The following TEX11 variants were observed in gnomAD, a reference collection of about 807,000 sequenced individuals.
TEX11 encodes the protein testis expressed 11.
A neutral mutation model predicts 84.4 loss-of-function variants in TEX11; 7 were observed. The observed-to-expected ratio is 0.08, with a 90% CI of 0.05 to 0.16. The LOEUF (loss-of-function observed/expected upper bound fraction) is 0.16. Among genes scored for constraint, TEX11 ranks in the 10% least tolerant of loss-of-function variants. The pLI is 1.00. For synonymous variants in TEX11, 264 were observed against 222.8 expected (o/e 1.18, Z -1.64); for missense variants, 551 against 660.5 (o/e 0.83, Z 1.82).
chrX:70,816,995 T>G lies in TEX11; in HGVS notation c.607-10205A>C, dbSNP rs780309599. 6.3e-5 allele frequency among the ~76,000 whole-genome samples: 7 copies of G among 110,473 alleles called. No homozygotes were observed. In the East Asian group the frequency reaches 1.4e-3, roughly 22 times the overall value. On this transcript the variant is annotated intron_variant, in intron 8 of 29. Transcript: ENST00000374333. ...AATACATAAATACATTAAGGATAAT[T>G]GAAGCCAAGTTTTTTGTTGTTGGAG...
intron 11 of TEX11, among the ~76,000 whole-genome samples, chrX:70,734,445 A>G (rs1161694235): frequency 1.8e-5 from 2 of 111,715 alleles, no homozygotes; most frequent in Non-Finnish European, 3.8e-5. Context: ...TGCATTATGG[A>G]AAGTTTCCAA....
intron 9 of TEX11, among the ~76,000 whole-genome samples, chrX:70,763,087 C>T (rs2090919382): frequency 8.9e-6 from 1 of 111,892 alleles, no homozygotes; most frequent in Non-Finnish European, 1.9e-5. Context: ...CCATTCGATC[C>T]AGCAATCCCA....
At chrX:70,749,215 C>T (rs2090792972) in intron 9 of TEX11, among the ~76,000 whole-genome samples, 1 of 107,818 alleles carries the variant, frequency 9.3e-6, no homozygotes, top group Non-Finnish European at 1.9e-5. Flanking sequence ...TGATTTGGCT[C>T]TCTGTTTGTC....
intron 13 of TEX11, among the ~76,000 whole-genome samples, chrX:70,720,991 T>G (rs1037730640): frequency 1.8e-5 from 2 of 110,541 alleles, no homozygotes; most frequent in African/African-American, 6.6e-5. Flanking sequence ...CAAACATATT[T>G]AAATTCCAGC....
chrX:70,724,648 GTAA>G (rs1038741836), intron 12 of TEX11, among the ~76,000 whole-genome samples: 5 of 111,174 alleles, frequency 4.5e-5, no homozygotes, highest in Admixed American at 1.9e-4. Context: ...AGTAATAACA[GTAA>G]TAATAATAAC....
intron 8 of TEX11, among the ~76,000 whole-genome samples, chrX:70,812,207 T>C (rs1475163744): frequency 1.7e-5 from 1 of 57,183 alleles, no homozygotes; most frequent in Non-Finnish European, 3.8e-5. Flanking sequence ...CATCTTGAAT[T>C]AATTTTTTTT....
intron 13 of TEX11, among the ~76,000 whole-genome samples, chrX:70,710,370 A>G (rs1666665052): frequency 9.0e-6 from 1 of 111,556 alleles, no homozygotes; most frequent in Non-Finnish European, 1.9e-5. Context: ...TTAAAGTCCA[A>G]GGTTAGGAGT....
intron 8 of TEX11, among the ~76,000 whole-genome samples, chrX:70,826,027 G>A (rs1474102314): frequency 4.6e-5 from 5 of 109,245 alleles, no homozygotes; most frequent in Non-Finnish European, 9.5e-5. Flanking sequence ...ATGTTGGCCT[G>A]GCGCAGTGGC....
At position 70,603,271 on chromosome X, in the gene TEX11, C is replaced by T. The variant is rs202056774; in HGVS notation, c.2067+2130G>A. ...TCAATCCTAAGCCAAAAGAACAAAG[C>T]TGGAGGCATCACACTACCTGACTTC... On this transcript the variant is annotated intron_variant, in intron 24 of 29. Transcript: ENST00000374333. Among the ~76,000 whole-genome samples the T allele has an allele frequency of 6.7e-5, 6 of 89,252 alleles. No homozygotes were observed. In the East Asian group the frequency reaches 1.4e-3, roughly 21 times the overall value. 77.5% of individuals were successfully genotyped at this position (89,252 alleles called of 115,157 possible).
chrX:70,541,030 A>T (rs1465979576), intron 28 of TEX11, among the ~76,000 whole-genome samples: 3 of 110,747 alleles, frequency 2.7e-5, no homozygotes, highest in Admixed American at 9.7e-5. Flanking sequence ...CTCTACAAAA[A>T]AATTAAAAAA....
At chrX:70,798,131 A>G (rs1602137892) in intron 9 of TEX11, among the ~76,000 whole-genome samples, 4 of 109,186 alleles carry the variant, frequency 3.7e-5, no homozygotes, top group African/African-American at 1.3e-4. Context: ...AAACTGTCAG[A>G]ACTAATAAAT....
intron 21 of TEX11, 42 bp downstream of exon 21, chrX:70,610,461 G>C: frequency 8.7e-7 from 1 of 1,147,974 alleles, no homozygotes; most frequent in Non-Finnish European, 1.2e-6. Context: ...ACAGAGAATA[G>C]AGGCAAGATG....
At chrX:70,904,549 TGG>T (rs993979112) in intron 2 of TEX11, among the ~76,000 whole-genome samples, 77 of 112,110 alleles carry the variant, frequency 6.9e-4, no homozygotes, top group African/African-American at 2.5e-3. Flanking sequence ...AGTAAGGATA[TGG>T]GGAAAAGGGA....
rs144683094 is a variant in TEX11, at chrX:70,690,444, G to A, written c.1005-7619C>T. 8.1e-3 allele frequency among the ~76,000 whole-genome samples: 910 copies of A among 111,829 alleles called. 2 individuals are homozygous for A. The highest frequency in any genetic ancestry group is 0.018 in the African/African-American group (554 of 30,849). ...ATAATGGTTCACGCCTGTAATTTCC[G>A]TGCCTTGGGAGGCCAAGACAGGAGG... On this transcript the variant is annotated intron_variant, in intron 13 of 29. Coordinates refer to ENST00000374333, the MANE Select transcript of TEX11 (RefSeq NM_031276.3).
chrX:70,614,769 G>A (rs2089299353), intron 20 of TEX11, among the ~76,000 whole-genome samples: 2 of 111,462 alleles, frequency 1.8e-5, no homozygotes, highest in Admixed American at 9.5e-5. Flanking sequence ...GGCCATAGGG[G>A]TGCTTGTATC....
chrX:70,841,871 G>GA (rs1156632462), intron 7 of TEX11, among the ~76,000 whole-genome samples: 1 of 111,681 alleles, frequency 9.0e-6, no homozygotes, highest in East Asian at 2.8e-4. Flanking sequence ...AAATAAACTA[G>GA]AAAATCTAGA....
rs549201546 is a variant in TEX11 at position 70,808,107 on chromosome X, C to CAAAAAAAAAAAA, written c.607-1329_607-1318dup. On this transcript the variant is annotated intron_variant, in intron 8 of 29. Transcript: ENST00000374333. ...TGGATGACAGAGTGAGACTCTGTCTCAAAAAAAAAAAAAAAAAAAAAAAAA... is the reference window on the plus strand; with the variant it reads ...TGGATGACAGAGTGAGACTCTGTCTCAAAAAAAAAAAAAAAAAAAAAAAAAAAAAAAAAAAAA... Among the ~76,000 whole-genome samples the CAAAAAAAAAAAA allele has an allele frequency of 1.2e-3, 40 of 32,610 alleles. 1 individual carries two copies. The highest frequency in any genetic ancestry group is 3.6e-3 in the African/African-American group (20 of 5,570). 28.3% of individuals were successfully genotyped at this position (32,610 alleles called of 115,157 possible).
chrX:70,838,961 A>G (rs1404654709), intron 7 of TEX11, among the ~76,000 whole-genome samples: 1 of 112,328 alleles, frequency 8.9e-6, no homozygotes, highest in African/African-American at 3.2e-5. Context: ...TTGCTGAGTT[A>G]GTTGTTTGAT....
At chrX:70,685,700 G>A (rs777434604) in intron 13 of TEX11, among the ~76,000 whole-genome samples, 1 of 112,112 alleles carries the variant, frequency 8.9e-6, no homozygotes, top group South Asian at 3.7e-4. Flanking sequence ...CATCAACAGT[G>A]TAAGTGTTCC....
Sources: allele counts gnomAD v4.1 joint callset (sites outside exome capture counted in the v4.1 genomes callset), GRCh38; gene constraint gnomAD v4.1.1; transcripts MANE v1.5; gene names NCBI Gene and HGNC (gene_info 2026-07-23, HGNC 2026-07-21).